The following ADAMTS9 variants were observed in gnomAD, a reference collection of about 807,000 sequenced individuals.
ADAMTS9 encodes the protein ADAM metallopeptidase with thrombospondin type 1 motif 9.
ADAMTS9 carries 107 observed loss-of-function variants against 257.1 expected under a neutral mutation model. The ratio of observed to expected loss-of-function variants is 0.42; its 90% CI spans 0.36 to 0.49. The LOEUF (loss-of-function observed/expected upper bound fraction) is 0.49. Ranked by LOEUF, ADAMTS9 falls within the 20% of genes least tolerant of loss-of-function variation. The probability of loss-of-function intolerance (pLI) is 0.03; values close to 1 mark genes in which losing one functional copy is unlikely to be tolerated. For missense variants in ADAMTS9, 2,353 were observed against 2,469.1 expected, an observed-to-expected ratio of 0.95 and a Z score of 1.00; for synonymous variants, 982 against 880.9, an observed-to-expected ratio of 1.11 and a Z score of -2.03.
chr3:64,551,022 ACCTTGCGG>A lies in ADAMTS9; in HGVS notation c.4731_4738del (p.Arg1578GlyfsTer5). 1 of 1,614,048 alleles carries A rather than the reference ACCTTGCGG, an allele frequency of 6.2e-7. No individual in the cohort carries two copies. ...GTTTTTGTTGTCATCCACACACACC[ACCTTGCGG>A]TACCTGGAGCCTTCGCCGCAGGTCT... On this transcript the variant is annotated frameshift_variant, in exon 31 of 40. Transcript: ENST00000498707. LOFTEE classifies it high-confidence loss of function.
chr3:64,597,988 C>T (rs907068271), intron 26 of ADAMTS9, among the ~76,000 whole-genome samples: 5 of 152,186 alleles, frequency 3.3e-5, no homozygotes, highest in Non-Finnish European at 5.9e-5. Flanking sequence ...CTAATCGTAG[C>T]TCATATCAGT....
At chr3:64,607,480 C>A (rs1012413470) in intron 22 of ADAMTS9, among the ~76,000 whole-genome samples, 11 of 152,104 alleles carry the variant, frequency 7.2e-5, no homozygotes, top group African/African-American at 2.7e-4. Flanking sequence ...CTGGAGTTTG[C>A]ATCAATATTT....
intron 38 of ADAMTS9, among the ~76,000 whole-genome samples, chr3:64,522,925 G>C (rs779931051): frequency 6.6e-6 from 1 of 151,982 alleles, no homozygotes; most frequent in Non-Finnish European, 1.5e-5. Context: ...CACTATAGCT[G>C]TGCTAAAAGA....
chr3:64,561,121 T>G (rs912655255), intron 30 of ADAMTS9, among the ~76,000 whole-genome samples: 2 of 151,342 alleles, frequency 1.3e-5, no homozygotes, highest in Admixed American at 1.3e-4. Context: ...AGGTTTCACA[T>G]GAATGCCTAT....
rs1262853731 is a variant in ADAMTS9 at position 64,616,124 on chromosome 3, C to G, written c.2860G>C (p.Gly954Arg). The change falls in exon 20 of 40, where the codon GGT (glycine) becomes CGT (arginine). Residue 954 changes from glycine (G) to arginine (R), a missense_variant. Coordinates refer to ENST00000498707, the MANE Select transcript of ADAMTS9 (RefSeq NM_182920.2). ...CAGTAGATGTCCAATGTGCGGTAACCCAAGCCACACTGGGCACTACATTCA... is the reference window on the plus strand; with the variant it reads ...CAGTAGATGTCCAATGTGCGGTAACGCAAGCCACACTGGGCACTACATTCA... The part of the protein sequence containing the change: ...RSECSAQCGL[G>R]YRTLDIYCAK... 1.2e-6 allele frequency: 2 copies of G among 1,614,082 alleles called. No individual in the cohort carries two copies.
At chr3:64,541,249 T>C in intron 35 of ADAMTS9, 21 bp from the exon 36 acceptor site, 2 of 1,614,170 alleles carry the variant, frequency 1.2e-6, no homozygotes, top group Non-Finnish European at 1.7e-6. Flanking sequence ...CAGAGAATGT[T>C]CTGGTAAGGA....
intron 12 of ADAMTS9, among the ~76,000 whole-genome samples, chr3:64,639,552 A>T (rs1005129394): frequency 8.2e-6 from 1 of 122,654 alleles, no homozygotes; most frequent in Non-Finnish European, 1.7e-5. Flanking sequence ...CTCAAGACTT[A>T]ACAAAGTATT....
At chr3:64,598,215 T>G (rs1328331490) in intron 26 of ADAMTS9, among the ~76,000 whole-genome samples, 1 of 152,158 alleles carries the variant, frequency 6.6e-6, no homozygotes, top group African/African-American at 2.4e-5. Flanking sequence ...ATTTATTAGT[T>G]CCTCTTGAGA....
At chr3:64,549,658 GC>G (rs2083245429) in intron 31 of ADAMTS9, among the ~76,000 whole-genome samples, 1 of 152,066 alleles carries the variant, frequency 6.6e-6, no homozygotes, top group Admixed American at 6.6e-5. Flanking sequence ...TGACATTTGG[GC>G]CAGATAATTC....
At chr3:64,593,956 GTATGA>G (rs1214709829) in intron 28 of ADAMTS9, among the ~76,000 whole-genome samples, 120 of 97,634 alleles carry the variant, frequency 1.2e-3, no homozygotes, top group African/African-American at 5.7e-3. Context: ...ATGTGTGTGT[GTATGA>G]TGTGTGTGTG....
chr3:64,686,588 T>C lies in ADAMTS9; in HGVS notation c.496A>G (p.Ile166Val), dbSNP rs775485029. Residue 166 changes from isoleucine to valine, a missense_variant, in exon 2 of 40, where the codon ATC (isoleucine) becomes GTC (valine). Around this residue, in one of 3 missense-constraint regions of ADAMTS9, gnomAD observed 591 missense variants for 569.6 expected, o/e 1.04. Coordinates refer to ENST00000498707, the MANE Select transcript of ADAMTS9 (RefSeq NM_182920.2). This position sits in a 1 kb window ranked among gnomAD's most constrained non-coding sequence, Gnocchi z 4.6. ...VNTNSEHTAV[I>V]SLCSGMLGTF... ...CTTACCATTCCTGAGCAGAGGCTGA[T>C]GACGGCCGTGTGCTCGGAGTTGGTA... 12 of 1,611,886 alleles carry C rather than the reference T, an allele frequency of 7.4e-6. No homozygotes were observed. Among genetic ancestry groups the C allele is most frequent in the Admixed American group, 6.7e-5 (4 of 59,780 alleles).
At position 64,546,828 on chromosome 3, in the gene ADAMTS9, G is replaced by T. The variant is rs139126890; in HGVS notation, c.4994C>A (p.Pro1665His). Residue 1665 changes from proline (P) to histidine (H), a missense_variant, in exon 32 of 40, where the codon CCC (proline) becomes CAC (histidine). Around this residue, in one of 3 missense-constraint regions of ADAMTS9, gnomAD observed 1,402 missense variants for 1,441.4 expected, o/e 0.97. Coordinates refer to ENST00000498707, the MANE Select transcript of ADAMTS9 (RefSeq NM_182920.2). ...TTINCPGTQP[P>H]SVHPCYLRDC... is the part of the protein sequence containing the mutation. ...CCTCAGGTAACAGGGGTGAACACTG[G>T]GGGGCTGCGTGCCTGGGCAGTTGAT... is the stretch of plus-strand genomic sequence containing the variant. 5 of 1,613,964 alleles carry T rather than the reference G, an allele frequency of 3.1e-6. No homozygotes were observed. The highest frequency in any genetic ancestry group is 4.5e-5 in the East Asian group (2 of 44,890).
intron 37 of ADAMTS9, among the ~76,000 whole-genome samples, chr3:64,536,406 A>T (rs1012497436): frequency 6.6e-6 from 1 of 152,232 alleles, no homozygotes; most frequent in Non-Finnish European, 1.5e-5. Context: ...TGCCTATTCT[A>T]AAGAAGAGTG....
intron 3 of ADAMTS9, among the ~76,000 whole-genome samples, chr3:64,664,018 C>A (rs1340909833): frequency 1.3e-5 from 2 of 152,062 alleles, no homozygotes; most frequent in African/African-American, 4.8e-5. Context: ...TAGTTTTCAC[C>A]AACGGAGTAC....
In ADAMTS9 at chr3:64,516,126, C is replaced by T. The variant is rs561053597; in HGVS notation, c.*1001G>A. 8.7e-4 allele frequency: 133 copies of T among 152,302 alleles called. 2 individuals carry two copies. The highest frequency in any genetic ancestry group is 3.2e-3 in the African/African-American group (131 of 41,552). 9.4% of individuals were successfully genotyped at this position (152,302 alleles called of 1,614,324 possible). On this transcript the variant is annotated 3_prime_UTR_variant, in exon 40 of 40. Transcript: ENST00000498707. ...AAAAGGCAATCGTGATGATTCAGAA[C>T]CTGGTTCTGAATTTCTCCAGGTGTG...
chr3:64,587,876 C>T (rs907901367), intron 28 of ADAMTS9: 2 of 151,988 alleles, frequency 1.3e-5, no homozygotes, highest in Non-Finnish European at 2.9e-5. Flanking sequence ...TAATTGGTAC[C>T]CATTAAATAA....
chr3:64,645,360 C>G (rs945942062), intron 11 of ADAMTS9, among the ~76,000 whole-genome samples: 27 of 152,026 alleles, frequency 1.8e-4, no homozygotes, highest in African/African-American at 5.8e-4. Context: ...TGCTAATGGA[C>G]TTAAGAGAGT....
chr3:64,544,234 T>G (rs1175420850), intron 32 of ADAMTS9, among the ~76,000 whole-genome samples: 1 of 152,138 alleles, frequency 6.6e-6, no homozygotes, highest in African/African-American at 2.4e-5. Context: ...AAGCTACCAA[T>G]GCCTTTCTTC....
chr3:64,594,585 T>C, intron 27 of ADAMTS9, 151 bp from the exon 28 acceptor site: 2 of 887,104 alleles, frequency 2.3e-6, no homozygotes, highest in Non-Finnish European at 3.5e-6. Flanking sequence ...CCAATAGTGA[T>C]ACGTAAAACA....
Sources: allele counts gnomAD v4.1 joint callset (sites outside exome capture counted in the v4.1 genomes callset), GRCh38; gene constraint gnomAD v4.1.1; regional missense constraint gnomAD v4.1.1; non-coding constraint Gnocchi (gnomAD v3.1); transcripts MANE v1.5; gene names NCBI Gene and HGNC (gene_info 2026-07-23, HGNC 2026-07-21).